The following CDK7 variants were observed in gnomAD, a reference collection of about 807,000 sequenced individuals.
CDK7 encodes the protein cyclin dependent kinase 7.
A neutral mutation model predicts 49.1 loss-of-function variants in CDK7; 25 were observed. The ratio of observed to expected loss-of-function variants is 0.51; its 90% CI spans 0.37 to 0.71. CDK7 has a LOEUF of 0.71. CDK7 is among the 30% of genes least tolerant of loss of function. CDK7 has a pLI of 0.00. For synonymous variants in CDK7, 107 were observed against 140.0 expected (o/e 0.76, Z 1.67); for missense variants, 316 against 411.7 (o/e 0.77, Z 2.01).
chr5:69,256,550 G>T (rs971506705), intron 5 of CDK7, among the ~76,000 whole-genome samples: 1 of 150,030 alleles, frequency 6.7e-6, no homozygotes, highest in Non-Finnish European at 1.5e-5. Context: ...TATGTTGGAC[G>T]GGATGGTTTC....
At chr5:69,269,146 A>T in intron 8 of CDK7, 61 bp from the exon 9 acceptor site, 1 of 1,123,036 alleles carries the variant, frequency 8.9e-7, no homozygotes, top group Non-Finnish European at 1.3e-6. Flanking sequence ...CTCTCTAAAA[A>T]AAGAAAAAAA....
At chr5:69,235,490 G>A (rs773404141) in intron 2 of CDK7, 37 bp downstream of exon 2, 2 of 1,339,840 alleles carry the variant, frequency 1.5e-6, no homozygotes, top group South Asian at 1.2e-5. Flanking sequence ...AAGTCTCCTT[G>A]AAGATGTCTG....
chr5:69,243,644 G>A (rs1447405221), intron 2 of CDK7, among the ~76,000 whole-genome samples: 1 of 151,930 alleles, frequency 6.6e-6, no homozygotes, highest in East Asian at 1.9e-4. Context: ...CAAATTTTAG[G>A]ATTGTTTTTC....
chr5:69,236,151 G>C (rs1029821170), intron 2 of CDK7, among the ~76,000 whole-genome samples: 4 of 151,498 alleles, frequency 2.6e-5, no homozygotes, highest in Admixed American at 6.6e-5. Context: ...TGAGGCAGGA[G>C]AATCACTTGA....
intron 10 of CDK7, among the ~76,000 whole-genome samples, chr5:69,274,130 G>A (rs6865178): frequency 0.29 from 43,457 of 152,034 alleles, 6,840 homozygotes; most frequent in East Asian, 0.42. Flanking sequence ...TATCTAGAAA[G>A]TTGTTTTCAT....
chr5:69,250,357 C>T (rs551577178), intron 2 of CDK7, among the ~76,000 whole-genome samples: 2 of 152,276 alleles, frequency 1.3e-5, no homozygotes, highest in African/African-American at 2.4e-5. Flanking sequence ...TCTTGGTGGT[C>T]TTGGATAAGG....
intron 1 of CDK7, 81 bp downstream of exon 1, chr5:69,235,122 GGCCAGAGGT>G: frequency 2.2e-6 from 3 of 1,361,052 alleles, no homozygotes; most frequent in Non-Finnish European, 3.1e-6. Flanking sequence ...TTCCCGTGGA[GGCCAGAGGT>G]CTGGCTTGGC....
intron 2 of CDK7, 53 bp downstream of exon 2, chr5:69,235,506 T>C: frequency 8.5e-7 from 1 of 1,171,344 alleles, no homozygotes; most frequent in Non-Finnish European, 1.3e-6. Flanking sequence ...GTCTGTATTA[T>C]TAATTGACTG....
chr5:69,243,200 T>C (rs1033304433), intron 2 of CDK7, among the ~76,000 whole-genome samples: 2 of 152,210 alleles, frequency 1.3e-5, no homozygotes, highest in Non-Finnish European at 2.9e-5. Flanking sequence ...TTCTGAAAAG[T>C]TGCCCTTTTT....
Position 69,269,204 on chromosome 5 carries a change from C to A in CDK7, c.628-3C>A. ...GAAAAGTCTCCCTCTTACTTTCTTTCAGGTTCCTTTTTTGCCAGGAGATTC... is the reference window on the plus strand; with the variant it reads ...GAAAAGTCTCCCTCTTACTTTCTTTAAGGTTCCTTTTTTGCCAGGAGATTC... On this transcript the variant is annotated splice_polypyrimidine_tract_variant and splice_region_variant and intron_variant, in intron 8 of 11. Coordinates refer to ENST00000256443, the MANE Select transcript of CDK7 (RefSeq NM_001799.4). 1.3e-6 allele frequency: 2 copies of A among 1,588,388 alleles called. No homozygotes were observed. The highest frequency in any genetic ancestry group is 1.7e-6 in the Non-Finnish European group (2 of 1,168,570).
chr5:69,244,636 CAAAAAAAA>C (rs35194899), intron 2 of CDK7, among the ~76,000 whole-genome samples: 1 of 94,894 alleles, frequency 1.1e-5, no homozygotes, highest in Non-Finnish European at 2.2e-5. Flanking sequence ...AACTCCGTCT[CAAAAAAAA>C]AAAAAAAAAA....
In CDK7 at chr5:69,276,433, G is replaced by C. The variant is rs1752146579; in HGVS notation, c.865-110G>C. On this transcript the variant is annotated intron_variant, in intron 10 of 11. Coordinates refer to ENST00000256443, the MANE Select transcript of CDK7 (RefSeq NM_001799.4). The stretch of plus-strand genomic sequence containing the variant: ...ATTAATTTTGTTTTGTTGGGAATGA[G>C]GGCATTCACATAGTATTTTTAATGC... 83 of 880,268 alleles carry C rather than the reference G, an allele frequency of 9.4e-5. No homozygotes were observed. The South Asian group carries it at 1.2e-3, about 13-fold the overall frequency. The allele number at this position is 880,268 out of a possible 1,614,324, so 54.5% of individuals were successfully genotyped here.
chr5:69,267,390 C>G (rs1476470073), intron 8 of CDK7, among the ~76,000 whole-genome samples: 10 of 147,818 alleles, frequency 6.8e-5, no homozygotes, highest in Non-Finnish European at 1.3e-4. Context: ...CCTCTGCCTC[C>G]CAGGCTGAAG....
rs1750865751 is a variant in CDK7 at position 69,262,144 on chromosome 5, A to G, written c.528-61A>G. On this transcript the variant is annotated intron_variant, in intron 7 of 11. Coordinates refer to ENST00000256443, the MANE Select transcript of CDK7 (RefSeq NM_001799.4). ...AAACAGACAAGGATCGTTCATCCCTAGAGATAGAAGTGCTTTGATAATTTC... is the reference window on the plus strand; with the variant it reads ...AAACAGACAAGGATCGTTCATCCCTGGAGATAGAAGTGCTTTGATAATTTC... 1.6e-5 allele frequency: 26 copies of G among 1,603,768 alleles called. No homozygotes were observed. In the South Asian group the frequency reaches 2.8e-4, roughly 17 times the overall value.
At position 69,277,206 on chromosome 5, in the gene CDK7, C is replaced by A; in HGVS notation, c.*71C>A. 1.8e-6 allele frequency: 2 copies of A among 1,128,918 alleles called. No homozygotes were observed. Among genetic ancestry groups the A allele is most frequent in the Non-Finnish European group, 1.3e-6 (1 of 776,484 alleles). 69.9% of individuals were successfully genotyped at this position (1,128,918 alleles called of 1,614,324 possible). On this transcript the variant is annotated 3_prime_UTR_variant, in exon 12 of 12. Transcript: ENST00000256443. Reference sequence around the variant, plus strand: ...AGGCAAATAATGGAAAAATAGTAAACATTAAGTAAATGCTGTAGAAGTGAG... The same window carrying A: ...AGGCAAATAATGGAAAAATAGTAAAAATTAAGTAAATGCTGTAGAAGTGAG...
At chr5:69,235,721 T>C (rs1748925027) in intron 2 of CDK7, among the ~76,000 whole-genome samples, 1 of 152,250 alleles carries the variant, frequency 6.6e-6, no homozygotes, top group African/African-American at 2.4e-5. Context: ...GCCCATCTTT[T>C]CGGTCCTCAG....
chr5:69,268,823 C>A (rs1312558346), intron 8 of CDK7, among the ~76,000 whole-genome samples: 1 of 110,448 alleles, frequency 9.1e-6, no homozygotes, highest in Admixed American at 1.2e-4. Flanking sequence ...GGCAACAGAG[C>A]GAGACTGTCT....
At chr5:69,268,704 T>C (rs1751322811) in intron 8 of CDK7, among the ~76,000 whole-genome samples, 1 of 151,224 alleles carries the variant, frequency 6.6e-6, no homozygotes, top group South Asian at 2.1e-4. Flanking sequence ...TACAAAAAAA[T>C]TAGCCAGGCG....
At chr5:69,234,853 G>T, upstream of CDK7, 1 of 962,324 alleles carries the variant, frequency 1.0e-6, no homozygotes, top group South Asian at 1.5e-5. Flanking sequence ...AAGTGAGGCG[G>T]GGATACTAAA....
Sources: allele counts gnomAD v4.1 joint callset (sites outside exome capture counted in the v4.1 genomes callset), GRCh38; gene constraint gnomAD v4.1.1; transcripts MANE v1.5; gene names NCBI Gene and HGNC (gene_info 2026-07-23, HGNC 2026-07-21).